The following COL4A1 variants were observed in gnomAD, a reference collection of about 807,000 sequenced individuals.
The protein encoded by COL4A1 is collagen alpha-1(IV) chain.
Under a neutral mutation model 216.6 loss-of-function variants are expected in COL4A1, and 40 were observed. The observed-to-expected ratio is 0.18, with a 90% confidence interval of 0.14 to 0.24. The LOEUF is 0.24. Among genes scored for constraint, COL4A1 ranks in the 10% least tolerant of loss-of-function variants. The pLI is 1.00. For synonymous variants in COL4A1, 839 were observed against 810.7 expected, an observed-to-expected ratio of 1.03 and a Z score of -0.59; for missense variants, 1,628 against 2,196.8, an observed-to-expected ratio of 0.74 and a Z score of 5.18.
At chr13:110,169,269 T>C (rs1877491790) in intron 43 of COL4A1, among the ~76,000 whole-genome samples, 1 of 152,222 alleles carries the variant, frequency 6.6e-6, no homozygotes, top group South Asian at 2.1e-4. Flanking sequence ...TACAGAATTG[T>C]TCTCTGCAAA....
rs543353377 is a variant in COL4A1, at chr13:110,207,188, G to A, written c.780+215C>T. Among the ~76,000 whole-genome samples, 4 of 151,956 alleles carry A rather than the reference G, an allele frequency of 2.6e-5. No homozygotes were observed. In the East Asian group the frequency reaches 7.8e-4, roughly 30 times the overall value. On this transcript the variant is annotated intron_variant, in intron 13 of 51. Transcript: ENST00000375820. The surrounding 1 kb of genome is among the most constrained non-coding windows in gnomAD (Gnocchi z 4.4). ...ACATTTAAGAAGCCCTGATCCAGCG[G>A]GGTGAGCCTCAGATCAGGCTTGGAC...
intron 1 of COL4A1, among the ~76,000 whole-genome samples, chr13:110,263,300 A>G (rs1283367721): frequency 6.6e-6 from 1 of 152,242 alleles, no homozygotes; most frequent in East Asian, 1.9e-4. Flanking sequence ...AAGACAGAAT[A>G]CAGCATGTAA....
At chr13:110,261,945 G>A (rs1000555890) in intron 1 of COL4A1, among the ~76,000 whole-genome samples, 2 of 152,224 alleles carry the variant, frequency 1.3e-5, no homozygotes, top group Admixed American at 6.5e-5. Flanking sequence ...GGGCAGGTGG[G>A]CACAGGGCAG....
chr13:110,175,030 G>A (rs759268557), intron 37 of COL4A1, among the ~76,000 whole-genome samples, 188 bp downstream of exon 37: 24 of 152,162 alleles, frequency 1.6e-4, no homozygotes, highest in Admixed American at 3.3e-4. Flanking sequence ...CCTCTCACCA[G>A]TCTCTAGATT....
At chr13:110,176,789 G>T in intron 34 of COL4A1, 65 bp from the exon 35 acceptor site, 1 of 1,613,600 alleles carries the variant, frequency 6.2e-7, no homozygotes, top group Non-Finnish European at 8.5e-7. Context: ...CTGCAGAAAC[G>T]CAGGTTGGTT....
In COL4A1 at chr13:110,198,516, G is replaced by C. The variant is rs780665099; in HGVS notation, c.1236C>G (p.Leu412=). The change falls in exon 21 of 52, where the codon CTC becomes CTG. Residue 412 remains leucine (L), a synonymous_variant. Transcript: ENST00000375820. ...SLPGPSGRDG[L]PGPPGSPGPP... The stretch of plus-strand genomic sequence containing the variant: ...GCCCAGGGGAACCAGGAGGACCCGG[G>C]AGCCCATCTCTTCCACTTGGTCCTG... The C allele has an allele frequency of 1.9e-6, 3 of 1,614,000 alleles. No individual in the cohort carries two copies. Among genetic ancestry groups the C allele is most frequent in the Non-Finnish European group, 2.5e-6 (3 of 1,179,976 alleles).
intron 1 of COL4A1, among the ~76,000 whole-genome samples, chr13:110,295,243 T>C (rs1383065673): frequency 2.0e-5 from 3 of 151,130 alleles, no homozygotes; most frequent in Admixed American, 6.6e-5. Flanking sequence ...TCACACTACA[T>C]GGTTTTCTTT....
chr13:110,278,669 T>G (rs1192871782), intron 1 of COL4A1, among the ~76,000 whole-genome samples: 1 of 152,220 alleles, frequency 6.6e-6, no homozygotes, highest in Non-Finnish European at 1.5e-5. Flanking sequence ...TTAACAAATA[T>G]GCTCCTGATT....
intron 14 of COL4A1, 64 bp from the exon 15 acceptor site, chr13:110,206,779 A>G: frequency 2.5e-6 from 4 of 1,607,774 alleles, no homozygotes; most frequent in South Asian, 1.1e-5. Flanking sequence ...AATTAGATAG[A>G]TATTAAACTT....
At chr13:110,220,857 C>A (rs1369982431) in intron 2 of COL4A1, among the ~76,000 whole-genome samples, 1 of 152,190 alleles carries the variant, frequency 6.6e-6, no homozygotes, top group Non-Finnish European at 1.5e-5. Flanking sequence ...GTGAAAATGC[C>A]TTCCTCCGTA....
In COL4A1 at chr13:110,268,705, T is replaced by G. The variant is rs1883135273; in HGVS notation, c.85-25971A>C. ...CCCGGGTGCCTTGTCCATGACCCCA[T>G]GTGGGAATGACACCTGCCTCTTAAC... On this transcript the variant is annotated intron_variant, in intron 1 of 51. Transcript: ENST00000375820. The surrounding 1 kb of genome is among the most constrained non-coding windows in gnomAD (Gnocchi z 4.1). Among the ~76,000 whole-genome samples, 1 of 152,154 alleles carries G rather than the reference T, an allele frequency of 6.6e-6. No individual in the cohort carries two copies. Among genetic ancestry groups the G allele is most frequent in the African/African-American group, 2.4e-5 (1 of 41,446 alleles).
At chr13:110,269,723 G>C (rs1883176682) in intron 1 of COL4A1, among the ~76,000 whole-genome samples, 1 of 151,904 alleles carries the variant, frequency 6.6e-6, no homozygotes, top group South Asian at 2.1e-4. Context: ...CTGACCACAG[G>C]GCGCATCCCG....
In COL4A1 at chr13:110,206,233, C is replaced by G. The variant is rs560150817; in HGVS notation, c.858+432G>C. Among the ~76,000 whole-genome samples the G allele has an allele frequency of 2.0e-5, 3 of 152,340 alleles. No individual in the cohort carries two copies. In the East Asian group the frequency reaches 5.8e-4, roughly 29 times the overall value. ...GCTCCTTCCAGGTAGAAACCAGAAC[C>G]ATCCCAGCTGACTGGCAGTGGGGTG... On this transcript the variant is annotated intron_variant, in intron 15 of 51. Transcript: ENST00000375820.
chr13:110,264,265 C>T (rs1199441296), intron 1 of COL4A1, among the ~76,000 whole-genome samples: 1 of 152,142 alleles, frequency 6.6e-6, no homozygotes, highest in Non-Finnish European at 1.5e-5. Context: ...AGTTGCAGAC[C>T]TCATAAAATG....
intron 1 of COL4A1, among the ~76,000 whole-genome samples, chr13:110,287,478 T>A (rs1229222404): frequency 6.6e-5 from 10 of 152,196 alleles, no homozygotes. Context: ...CAGCCAAGAC[T>A]CGGTTTTTCC....
intron 1 of COL4A1, among the ~76,000 whole-genome samples, chr13:110,276,642 C>T (rs1883442019): frequency 6.6e-6 from 1 of 152,164 alleles, no homozygotes; most frequent in African/African-American, 2.4e-5. Flanking sequence ...TGACTGTAGG[C>T]AAAATAACAT....
intron 29 of COL4A1, 123 bp from the exon 30 acceptor site, chr13:110,179,544 T>C (rs953464806): frequency 7.1e-7 from 1 of 1,399,748 alleles, no homozygotes; most frequent in South Asian, 1.2e-5. Flanking sequence ...TATTATCTGC[T>C]CAACCCTTTT....
At chr13:110,282,658 G>A (rs1883680509) in intron 1 of COL4A1, among the ~76,000 whole-genome samples, 2 of 152,174 alleles carry the variant, frequency 1.3e-5, no homozygotes. Flanking sequence ...GTCCTACCCT[G>A]GGACATGGCT....
chr13:110,171,668 G>T (rs1877648699), intron 41 of COL4A1, among the ~76,000 whole-genome samples: 1 of 152,212 alleles, frequency 6.6e-6, no homozygotes, highest in African/African-American at 2.4e-5. Context: ...CTTCTCCTGG[G>T]GATTCTCCCT....
Sources: gnomAD v4.1 joint callset for allele counts (sites outside exome capture counted in the v4.1 genomes callset) on GRCh38, gnomAD v4.1.1 for gene constraint, Gnocchi (gnomAD v3.1) non-coding constraint, MANE v1.5 for transcripts, NCBI Gene and HGNC (gene_info 2026-07-23, HGNC 2026-07-21) for gene names.